Variants in COL21A1 observed in about 807,000 individuals in gnomAD.
The protein encoded by COL21A1 is collagen type XXI alpha 1 chain.
In COL21A1, 149 loss-of-function variants were observed where a neutral mutation model predicts 137.9. The ratio of observed to expected loss-of-function variants is 1.08; its 90% CI spans 0.95 to 1.24. The LOEUF is 1.24. Among genes scored for constraint, COL21A1 ranks in the 50% most tolerant of loss-of-function variants. The pLI is 0.00. For synonymous variants in COL21A1, 456 were observed against 391.5 expected, an observed-to-expected ratio of 1.16 and a Z score of -1.95; for missense variants, 1,167 against 1,158.4, an observed-to-expected ratio of 1.01 and a Z score of -0.11.
intron 1 of COL21A1, among the ~76,000 whole-genome samples, chr6:56,347,024 T>A (rs1054524240): frequency 2.6e-5 from 4 of 152,102 alleles, no homozygotes; most frequent in Non-Finnish European, 5.9e-5. Flanking sequence ...TCCAGGTCTA[T>A]CCAGTTAACA....
intron 1 of COL21A1, among the ~76,000 whole-genome samples, chr6:56,390,585 C>G (rs77553112): frequency 6.7e-6 from 1 of 150,090 alleles, no homozygotes; most frequent in Admixed American, 6.6e-5. Context: ...AAGATACAAA[C>G]AGCCTGATAA....
intron 1 of COL21A1, among the ~76,000 whole-genome samples, chr6:56,237,666 A>G (rs906216082): frequency 6.6e-6 from 1 of 152,270 alleles, no homozygotes; most frequent in African/African-American, 2.4e-5. Flanking sequence ...TAATAATGTC[A>G]TAAGTCTGGC....
intron 1 of COL21A1, among the ~76,000 whole-genome samples, chr6:56,293,478 A>C (rs1050796008): frequency 6.6e-6 from 1 of 152,188 alleles, no homozygotes; most frequent in Non-Finnish European, 1.5e-5. Context: ...ACAACAAAAA[A>C]GGTGTAACTC....
chr6:56,119,699 T>C (rs528875093), intron 16 of COL21A1, among the ~76,000 whole-genome samples: 27 of 152,206 alleles, frequency 1.8e-4, no homozygotes, highest in African/African-American at 6.3e-4. Flanking sequence ...GGTACTGGCA[T>C]ACAAACAGAT....
chr6:56,307,692 C>T (rs935393023), intron 1 of COL21A1, among the ~76,000 whole-genome samples: 1 of 152,200 alleles, frequency 6.6e-6, no homozygotes, highest in African/African-American at 2.4e-5. Flanking sequence ...ATGCCTCGCC[C>T]TGCTTGGGCT....
chr6:56,377,746 AAG>A (rs2094001945), intron 1 of COL21A1, among the ~76,000 whole-genome samples: 1 of 152,078 alleles, frequency 6.6e-6, no homozygotes, highest in Non-Finnish European at 1.5e-5. Flanking sequence ...TGCGGCAACT[AAG>A]AGAGTACTGG....
At chr6:56,332,940 T>C (rs1765263882) in intron 1 of COL21A1, among the ~76,000 whole-genome samples, 1 of 152,082 alleles carries the variant, frequency 6.6e-6, no homozygotes, top group African/African-American at 2.4e-5. Context: ...GACATATTAC[T>C]CAATATTTTA....
intron 2 of COL21A1, among the ~76,000 whole-genome samples, 188 bp from the exon 3 acceptor site, chr6:56,180,317 A>T (rs1777800647): frequency 6.6e-6 from 1 of 152,218 alleles, no homozygotes; most frequent in Non-Finnish European, 1.5e-5. Flanking sequence ...GGGAGAAAAA[A>T]ATTAAAAACA....
chr6:56,200,990 G>A (rs1189350706), intron 1 of COL21A1, among the ~76,000 whole-genome samples: 101 of 152,096 alleles, frequency 6.6e-4, no homozygotes, highest in Admixed American at 1.2e-3. Context: ...TTTAATGATC[G>A]CCATTCTCAC....
At chr6:56,290,497 A>AG (rs1410641304) in intron 1 of COL21A1, among the ~76,000 whole-genome samples, 9 of 80,478 alleles carry the variant, frequency 1.1e-4, no homozygotes, top group Non-Finnish European at 4.8e-5. Context: ...ATCACTTAGG[A>AG]GATTTTTTTT....
At position 56,111,995 on chromosome 6, in the gene COL21A1, T is replaced by TA. The variant is rs760706601; in HGVS notation, c.1759-10471dup. Among the ~76,000 whole-genome samples the TA allele has an allele frequency of 8.3e-3, 1,215 of 146,590 alleles. 5 individuals carry two copies. Among genetic ancestry groups the TA allele is most frequent in the Non-Finnish European group, 0.013 (860 of 66,200 alleles). On this transcript the variant is annotated intron_variant, in intron 16 of 29. Coordinates refer to ENST00000244728, the MANE Select transcript of COL21A1 (RefSeq NM_030820.4). ...AAATCTATAATATCATTATGATTTCTAAAAAAAAAAAATTAGAGGATTTAC... is the reference window on the plus strand; with the variant it reads ...AAATCTATAATATCATTATGATTTCTAAAAAAAAAAAAATTAGAGGATTTAC...
intron 1 of COL21A1, among the ~76,000 whole-genome samples, chr6:56,269,461 C>T (rs1393110181): frequency 6.6e-6 from 1 of 151,486 alleles, no homozygotes; most frequent in African/African-American, 2.4e-5. Context: ...CGAGACCATC[C>T]CGGCTAAAAC....
At chr6:56,264,594 G>A (rs1319504871) in intron 1 of COL21A1, among the ~76,000 whole-genome samples, 1 of 152,146 alleles carries the variant, frequency 6.6e-6, no homozygotes, top group Non-Finnish European at 1.5e-5. Context: ...GGCCTCTAAA[G>A]TTGGGACCCA....
At chr6:56,275,062 C>T (rs2152332999) in intron 1 of COL21A1, among the ~76,000 whole-genome samples, 1 of 152,168 alleles carries the variant, frequency 6.6e-6, no homozygotes, top group African/African-American at 2.4e-5. Context: ...TAAAGTCCCA[C>T]ACTGCAACCA....
intron 3 of COL21A1, among the ~76,000 whole-genome samples, chr6:56,176,320 C>T (rs1432661613): frequency 6.6e-6 from 1 of 151,792 alleles, no homozygotes; most frequent in East Asian, 1.9e-4. Context: ...AGAAAAAAAA[C>T]TCTGTAAAAA....
intron 1 of COL21A1, among the ~76,000 whole-genome samples, chr6:56,242,365 C>G (rs1782378827): frequency 1.3e-5 from 2 of 152,106 alleles, no homozygotes; most frequent in Non-Finnish European, 1.5e-5. Flanking sequence ...AAAGAACTTT[C>G]TAAAAAGCTC....
At chr6:56,362,371 T>G (rs1017738478) in intron 1 of COL21A1, among the ~76,000 whole-genome samples, 19 of 152,176 alleles carry the variant, frequency 1.2e-4, no homozygotes, top group African/African-American at 4.6e-4. Context: ...TAAGTATGTA[T>G]TATTTTTTAA....
intron 1 of COL21A1, among the ~76,000 whole-genome samples, chr6:56,227,554 T>C (rs1021518349): frequency 2.0e-5 from 3 of 152,024 alleles, no homozygotes; most frequent in Admixed American, 6.6e-5. Flanking sequence ...GGTTCTGATA[T>C]GAAAAATACA....
At chr6:56,241,758 G>T (rs545758943) in intron 1 of COL21A1, among the ~76,000 whole-genome samples, 1 of 152,122 alleles carries the variant, frequency 6.6e-6, no homozygotes. Flanking sequence ...TATGTCAAAC[G>T]ACAATCAAAA....
Sources: allele counts gnomAD v4.1 joint callset (sites outside exome capture counted in the v4.1 genomes callset), GRCh38; gene constraint gnomAD v4.1.1; transcripts MANE v1.5; gene names NCBI Gene and HGNC (gene_info 2026-07-23, HGNC 2026-07-21).